Variants in RPS11 observed in about 807,000 individuals in gnomAD.
RPS11 encodes the protein ribosomal protein S11.
For synonymous variants in RPS11, 107 were observed against 78.0 expected, an observed-to-expected ratio of 1.37 and a Z score of -1.96; for missense variants, 127 against 211.4, an observed-to-expected ratio of 0.60 and a Z score of 2.48.
In RPS11 at chr19:49,496,444, G is replaced by A; in HGVS notation, c.-13G>A. ...CGCTGCTGCCCCTTTCTTTTTTTCA[G>A]GCGGCCGGGAAGATGGCGGACATTC... On this transcript the variant is annotated 5_prime_UTR_variant, in exon 1 of 5. Transcript: ENST00000270625. 6.2e-7 allele frequency: 1 copy of A among 1,612,032 alleles called. No individual in the cohort carries two copies.
At chr19:49,497,052 TG>T in intron 1 of RPS11, 141 bp from the exon 2 acceptor site, 1 of 862,436 alleles carries the variant, frequency 1.2e-6, no homozygotes, top group Non-Finnish European at 1.8e-6. Context: ...AGGGTGATTC[TG>T]GGGCACCAGG....
rs761678961 is a variant in RPS11, at chr19:49,497,914, T to C, written c.224-3T>C. On this transcript the variant is annotated splice_polypyrimidine_tract_variant and splice_region_variant and intron_variant, in intron 3 of 4. Coordinates refer to ENST00000270625, the MANE Select transcript of RPS11 (RefSeq NM_001015.5). ...CTGACCTATGATCGGCCCCCGCTCC[T>C]AGGCGTGGTGACCAAGATGAAGATG... is the stretch of plus-strand genomic sequence containing the variant. 32 of 1,614,022 alleles carry C rather than the reference T, an allele frequency of 2.0e-5. No homozygotes were observed. The Admixed American group carries it at 5.3e-4, about 27-fold the overall frequency.
chr19:49,497,801 C>T (rs769888608), intron 3 of RPS11, 116 bp from the exon 4 acceptor site: 21 of 1,465,432 alleles, frequency 1.4e-5, no homozygotes, highest in Admixed American at 1.2e-4. Context: ...AAACTGATGC[C>T]GGAAATGGGG....
intron 2 of RPS11, 47 bp downstream of exon 2, chr19:49,497,372 C>T (rs779426638): frequency 9.3e-6 from 15 of 1,611,942 alleles, no homozygotes; most frequent in East Asian, 8.9e-5. Flanking sequence ...CGTTCCTGCA[C>T]GTGTGCCCAC....
intron 4 of RPS11, chr19:49,498,343 T>C (rs76253579): frequency 0.011 from 4,361 of 405,448 alleles, 171 homozygotes; most frequent in African/African-American, 0.08. Context: ...CATATACACC[T>C]TATTCACATA....
At chr19:49,497,852 T>C (rs760226359) in intron 3 of RPS11, 65 bp from the exon 4 acceptor site, 6 of 1,603,026 alleles carry the variant, frequency 3.7e-6, no homozygotes, top group Non-Finnish European at 5.1e-6. Flanking sequence ...AGTCCCAGCA[T>C]GCCCTGGGTT....
intron 3 of RPS11, 159 bp downstream of exon 3, chr19:49,497,754 A>G (rs1414118513): frequency 8.6e-7 from 1 of 1,163,328 alleles, no homozygotes; most frequent in Admixed American, 1.7e-5. Context: ...TGGTCTTCAG[A>G]TGCCCACGTG....
intron 2 of RPS11, 27 bp downstream of exon 2, chr19:49,497,352 G>A (rs2079911580): frequency 1.2e-6 from 2 of 1,613,524 alleles, no homozygotes; most frequent in Admixed American, 1.7e-5. Context: ...AAGAAAGAAG[G>A]GGAACCTGGC....
In RPS11 at chr19:49,497,501, AT is replaced by A. The variant is rs774535304; in HGVS notation, c.148-18del. The A allele has an allele frequency of 6.2e-7, 1 of 1,612,758 alleles. No homozygotes were observed. Among genetic ancestry groups the A allele is most frequent in the African/African-American group, 1.3e-5 (1 of 74,968 alleles). On this transcript the variant is annotated intron_variant, in intron 2 of 4. Coordinates refer to ENST00000270625, the MANE Select transcript of RPS11 (RefSeq NM_001015.5). ...CCGCCCGCCCAAGGCTCACTCCTTT[AT>A]CTTTCCTATCCTTTCAGGCTATTGA...
In RPS11 at chr19:49,497,566, A is replaced by G. The variant is rs1427175541; in HGVS notation, c.194A>G (p.Asn65Ser). 1 of 1,613,978 alleles carries G rather than the reference A, an allele frequency of 6.2e-7. No homozygotes were observed. Among genetic ancestry groups the G allele is most frequent in the Non-Finnish European group, 8.5e-7 (1 of 1,179,970 alleles). ...YIDKKCPFTGNVSIRGRILSG... is the reference protein window; with the variant it reads ...YIDKKCPFTGSVSIRGRILSG... ...GACAAGAAATGCCCCTTCACTGGTA[A>G]TGTGTCCATTCGAGGGCGGATCCTC... is the stretch of plus-strand genomic sequence containing the variant. The change falls in exon 3 of 5, where the codon AAT becomes AGT. Residue 65 changes from asparagine to serine, a missense_variant. Coordinates refer to ENST00000270625, the MANE Select transcript of RPS11 (RefSeq NM_001015.5).
At position 49,499,695 on chromosome 19, in the gene RPS11, G is replaced by T; in HGVS notation, c.*60G>T. ...AAGTTATTTTCTCATTCCCAGGCCA[G>T]ACTTGGGATCTTCCGCGCCTTTACC... On this transcript the variant is annotated 3_prime_UTR_variant, in exon 5 of 5. Transcript: ENST00000270625. 6.3e-7 allele frequency: 1 copy of T among 1,582,038 alleles called. No homozygotes were observed. The highest frequency in any genetic ancestry group is 8.6e-7 in the Non-Finnish European group (1 of 1,158,786).
intron 1 of RPS11, 94 bp downstream of exon 1, chr19:49,496,565 G>A (rs2079907317): frequency 7.6e-7 from 1 of 1,322,600 alleles, no homozygotes; most frequent in Non-Finnish European, 1.0e-6. Flanking sequence ...AAGTTCGGGG[G>A]TTAATTCCGG....
chr19:49,499,651 C>T lies in RPS11; in HGVS notation c.*16C>T, dbSNP rs749511796. On this transcript the variant is annotated 3_prime_UTR_variant, in exon 5 of 5. Coordinates refer to ENST00000270625, the MANE Select transcript of RPS11 (RefSeq NM_001015.5). ...GAAGTTCTGAGGCTGGACATCGGCC[C>T]GCTCCCCACAATGAAATAAAGTTAT... is the stretch of plus-strand genomic sequence containing the variant. 6.8e-6 allele frequency: 11 copies of T among 1,611,176 alleles called. No individual in the cohort carries two copies. Among genetic ancestry groups the T allele is most frequent in the Admixed American group, 3.3e-5 (2 of 59,796 alleles).
chr19:49,498,490 G>A (rs1198534808), intron 4 of RPS11, among the ~76,000 whole-genome samples: 1 of 152,204 alleles, frequency 6.6e-6, no homozygotes, highest in Non-Finnish European at 1.5e-5. Context: ...CGTGGCTCAA[G>A]CCAGTAATCC....
intron 1 of RPS11, 150 bp from the exon 2 acceptor site, chr19:49,497,044 G>T (rs1427920519): frequency 9.0e-6 from 7 of 775,966 alleles, no homozygotes; most frequent in Non-Finnish European, 1.5e-5. Context: ...TGTCTTAGAG[G>T]GTGATTCTGG....
At position 49,497,337 on chromosome 19, in the gene RPS11, C is replaced by T. The variant is rs370473442; in HGVS notation, c.147+12C>T. On this transcript the variant is annotated intron_variant, in intron 2 of 4. Coordinates refer to ENST00000270625, the MANE Select transcript of RPS11 (RefSeq NM_001015.5). ...AGACACCCAAGGAGGTGCGGGGAACCTCAGAAGAAAGAAGGGGAACCTGGC... is the reference window on the plus strand; with the variant it reads ...AGACACCCAAGGAGGTGCGGGGAACTTCAGAAGAAAGAAGGGGAACCTGGC... 176 of 1,613,778 alleles carry T rather than the reference C, an allele frequency of 1.1e-4. No individual in the cohort carries two copies. The highest frequency in any genetic ancestry group is 1.5e-4 in the Non-Finnish European group (174 of 1,179,880).
At chr19:49,497,024 A>G (rs2079909735) in intron 1 of RPS11, 170 bp from the exon 2 acceptor site, 5 of 661,162 alleles carry the variant, frequency 7.6e-6, no homozygotes, top group Non-Finnish European at 1.3e-5. Context: ...AGGTAAGGTC[A>G]GGGTGGTCAT....
chr19:49,497,802 G>A (rs778199204), intron 3 of RPS11, 115 bp from the exon 4 acceptor site: 13 of 1,468,900 alleles, frequency 8.9e-6, no homozygotes, highest in African/African-American at 2.8e-5. Flanking sequence ...AACTGATGCC[G>A]GAAATGGGGC....
chr19:49,497,146 C>T, intron 1 of RPS11, 48 bp from the exon 2 acceptor site: 1 of 1,606,046 alleles, frequency 6.2e-7, no homozygotes, highest in Non-Finnish European at 8.5e-7. Context: ...TGGTTGGCTG[C>T]CGGCTTCAAA....
Sources: allele counts gnomAD v4.1 joint callset (sites outside exome capture counted in the v4.1 genomes callset), GRCh38; gene constraint gnomAD v4.1.1; transcripts MANE v1.5; gene names NCBI Gene and HGNC (gene_info 2026-07-23, HGNC 2026-07-21).